The following ADGRL2 variants were observed in gnomAD, a reference collection of about 807,000 sequenced individuals.
ADGRL2 encodes adhesion G protein-coupled receptor L2.
A neutral mutation model predicts 157.4 loss-of-function variants in ADGRL2; 44 were observed. The ratio of observed to expected loss-of-function variants is 0.28; its 90% CI spans 0.22 to 0.36. ADGRL2 has a LOEUF of 0.36. Ranked by LOEUF, ADGRL2 falls within the 10% of genes least tolerant of loss-of-function variation. ADGRL2 has a pLI of 1.00. For missense variants in ADGRL2, 1,510 were observed against 1,768.9 expected (o/e 0.85, Z 2.63); for synonymous variants, 585 against 624.7 (o/e 0.94, Z 0.95).
intron 1 of ADGRL2, among the ~76,000 whole-genome samples, chr1:81,312,314 T>C (rs1659811074): frequency 6.6e-6 from 1 of 152,188 alleles, no homozygotes; most frequent in Admixed American, 6.5e-5. Flanking sequence ...AGGTAGAGCC[T>C]GTCAGAGAAG....
At chr1:81,670,853 G>C (rs1006352548) in intron 3 of ADGRL2, among the ~76,000 whole-genome samples, 2 of 151,928 alleles carry the variant, frequency 1.3e-5, no homozygotes, top group Non-Finnish European at 2.9e-5. Context: ...AGGACTACAG[G>C]TACACGCCAC....
chr1:81,818,560 G>A (rs1186267961), intron 1 of ADGRL2, among the ~76,000 whole-genome samples: 1 of 152,104 alleles, frequency 6.6e-6, no homozygotes, highest in Non-Finnish European at 1.5e-5. Flanking sequence ...TTCCAAGAAC[G>A]ATCCTACTTA....
chr1:81,866,149 T>C (rs1186356080), intron 2 of ADGRL2, among the ~76,000 whole-genome samples: 2 of 152,182 alleles, frequency 1.3e-5, no homozygotes, highest in South Asian at 2.1e-4. Flanking sequence ...CTTTTCTTCT[T>C]TCTAAAACAT....
chr1:81,365,658 T>C lies in ADGRL2; in HGVS notation c.-302+59149T>C, dbSNP rs35354145. ...ATTGGTTGGGAAGGATAACGGAGGA[T>C]CATCATTTAACAACCACCATACCCA... On this transcript the variant is annotated intron_variant, in intron 1 of 24. Transcript: ENST00000370721. Among the ~76,000 whole-genome samples, 983 of 152,294 alleles carry C rather than the reference T, an allele frequency of 6.5e-3. 9 individuals carry two copies. The highest frequency in any genetic ancestry group is 0.01 in the Non-Finnish European group (707 of 68,022).
rs72933287 is a variant in ADGRL2 at position 81,538,962 on chromosome 1, C to T, written c.-247-41914C>T. 5.4e-3 allele frequency among the ~76,000 whole-genome samples: 782 copies of T among 144,766 alleles called. 5 individuals carry two copies. Among genetic ancestry groups the T allele is most frequent in the African/African-American group, 0.019 (737 of 39,106 alleles). 95.0% of individuals were successfully genotyped at this position (144,766 alleles called of 152,430 possible). On this transcript the variant is annotated intron_variant, in intron 2 of 24. Transcript: ENST00000370721. ...GGCGGAAGTTGTACTGAGGTGAGAT[C>T]GCACCATTGGGCTCCAGCCTGGGTG...
chr1:81,406,729 C>T (rs974691174), intron 1 of ADGRL2, among the ~76,000 whole-genome samples: 3 of 152,090 alleles, frequency 2.0e-5, no homozygotes, highest in Admixed American at 6.5e-5. Flanking sequence ...GTAGATGCCA[C>T]GAGAGCCTGG....
Position 81,913,995 on chromosome 1 carries a change from TACAC to T in ADGRL2, c.287+6784_287+6787del, listed in dbSNP as rs150093627. ...ACAAGGGAGATACTTAATGCACACA[TACAC>T]ACACACACACACACACACCCCTTTA... is the stretch of plus-strand genomic sequence containing the variant. On this transcript the variant is annotated intron_variant, in intron 3 of 23. Transcript: ENST00000686636. 4.2e-3 allele frequency among the ~76,000 whole-genome samples: 614 copies of T among 147,756 alleles called. 2 individuals are homozygous for T. Among genetic ancestry groups the T allele is most frequent in the Non-Finnish European group, 5.2e-3 (345 of 66,458 alleles).
intron 15 of ADGRL2, 90 bp downstream of exon 15, chr1:81,969,477 A>T: frequency 1.2e-6 from 1 of 817,614 alleles, no homozygotes; most frequent in Non-Finnish European, 2.0e-6. Context: ...TTAATGTTTG[A>T]CCTTGTAACT....
In ADGRL2 at chr1:81,431,943, G is replaced by A. The variant is rs768849295; in HGVS notation, c.-301-13093G>A. Among the ~76,000 whole-genome samples the A allele has an allele frequency of 2.9e-4, 44 of 152,252 alleles. No homozygotes were observed. The East Asian group carries it at 2.9e-3, about 10-fold the overall frequency. Reference sequence around the variant, plus strand: ...CTCTCTTTAAACAGAATGAAATGCCGGGAGGGAGAGAGGTTCGGGGGTGTT... The same window carrying A: ...CTCTCTTTAAACAGAATGAAATGCCAGGAGGGAGAGAGGTTCGGGGGTGTT... On this transcript the variant is annotated intron_variant, in intron 1 of 24. Transcript: ENST00000370721.
intron 3 of ADGRL2, among the ~76,000 whole-genome samples, chr1:81,635,460 A>C (rs926854460): frequency 6.6e-6 from 1 of 152,196 alleles, no homozygotes; most frequent in Non-Finnish European, 1.5e-5. Context: ...CTTCTAGAAC[A>C]AAATGCCAGA....
intron 1 of ADGRL2, among the ~76,000 whole-genome samples, chr1:81,721,083 A>G (rs919866195): frequency 7.0e-6 from 1 of 141,940 alleles, no homozygotes; most frequent in Non-Finnish European, 1.5e-5. Context: ...TGTTGCCTGG[A>G]CTGGTCTCGA....
chr1:81,501,850 G>A (rs1312353852), intron 2 of ADGRL2: 1 of 1,598,102 alleles, frequency 6.3e-7, no homozygotes, highest in Non-Finnish European at 8.5e-7. Context: ...TGGCTCCTCT[G>A]CAGATGGATG....
Position 81,970,400 on chromosome 1 carries a change from C to T in ADGRL2, c.2820C>T (p.Tyr940=). ...AWMCLEGVQL[Y]LMLVEVFESE... ...TGTGCCTAGAAGGTGTGCAGCTCTACCTAATGTTAGTTGAAGTTTTTGAAA... is the reference window on the plus strand; with the variant it reads ...TGTGCCTAGAAGGTGTGCAGCTCTATCTAATGTTAGTTGAAGTTTTTGAAA... Residue 940 remains tyrosine, a synonymous_variant, in exon 16 of 24, where the codon TAC becomes TAT. Transcript: ENST00000686636. 1 of 1,572,584 alleles carries T rather than the reference C, an allele frequency of 6.4e-7. No homozygotes were observed. The highest frequency in any genetic ancestry group is 1.4e-5 in the African/African-American group (1 of 72,016).
At position 81,502,189 on chromosome 1, in the gene ADGRL2, C is replaced by T. The variant is rs543035779; in HGVS notation, c.-248+57100C>T. On this transcript the variant is annotated intron_variant, in intron 2 of 24. Transcript: ENST00000370721. ...CTCGCCAAGATCCCAGAGTGGCACCCATGTCCAATCTACTTCCAGCACCAG... is the reference window on the plus strand; with the variant it reads ...CTCGCCAAGATCCCAGAGTGGCACCTATGTCCAATCTACTTCCAGCACCAG... The T allele has an allele frequency of 4.4e-6, 7 of 1,594,282 alleles. No individual in the cohort carries two copies. The South Asian group carries it at 7.9e-5, about 18-fold the overall frequency.
At chr1:81,773,923 T>G (rs1463270412) in intron 2 of ADGRL2, among the ~76,000 whole-genome samples, 1 of 152,118 alleles carries the variant, frequency 6.6e-6, no homozygotes, top group Non-Finnish European at 1.5e-5. Flanking sequence ...GCCATATGAC[T>G]GGTGGCCTTA....
intron 2 of ADGRL2, chr1:81,445,110 T>C (rs559229359): frequency 6.6e-6 from 1 of 152,226 alleles, no homozygotes; most frequent in African/African-American, 2.4e-5. Flanking sequence ...AATTTCAAAA[T>C]AAGATACAAT....
At chr1:81,977,777 G>A (rs1572478974) in intron 17 of ADGRL2, among the ~76,000 whole-genome samples, 1 of 151,596 alleles carries the variant, frequency 6.6e-6, no homozygotes, top group East Asian at 1.9e-4. Context: ...TTATGGTCCT[G>A]TACACTTCAG....
intron 2 of ADGRL2, among the ~76,000 whole-genome samples, chr1:81,486,326 A>G (rs1031137491): frequency 6.6e-6 from 1 of 152,070 alleles, no homozygotes; most frequent in African/African-American, 2.4e-5. Context: ...TCATCTTTCT[A>G]TTTTGACTCC....
At chr1:81,538,057 T>C (rs2079789257) in intron 2 of ADGRL2, among the ~76,000 whole-genome samples, 1 of 152,186 alleles carries the variant, frequency 6.6e-6, no homozygotes, top group African/African-American at 2.4e-5. Flanking sequence ...TCCTTTCAAA[T>C]TGTCGATTTC....
Sources: allele counts gnomAD v4.1 joint callset (sites outside exome capture counted in the v4.1 genomes callset), GRCh38; gene constraint gnomAD v4.1.1; transcripts MANE v1.5; gene names NCBI Gene and HGNC (gene_info 2026-07-23, HGNC 2026-07-21).